KIRREL3: variants seen among roughly 807,000 people sequenced by gnomAD.
The protein encoded by KIRREL3 is kirre like nephrin family adhesion molecule 3.
KIRREL3 carries 36 observed loss-of-function variants against 89.7 expected under a neutral mutation model. The observed-to-expected ratio is 0.40, with a 90% CI of 0.31 to 0.53. The LOEUF (loss-of-function observed/expected upper bound fraction) is 0.53, where lower values mean the gene tolerates loss of function less well. Ranked by LOEUF, KIRREL3 falls within the 20% of genes least tolerant of loss-of-function variation. The probability of loss-of-function intolerance (pLI) is 0.49; values close to 1 mark genes in which losing one functional copy is unlikely to be tolerated. For missense variants in KIRREL3, 864 were observed against 1,056.6 expected (o/e 0.82, Z 2.53); for synonymous variants, 445 against 441.4 (o/e 1.01, Z -0.10).
rs1243091854 is a variant in KIRREL3 at position 126,742,719 on chromosome 11, G to C, written c.56-179807C>G. 6.6e-6 allele frequency among the ~76,000 whole-genome samples: 1 copy of C among 152,196 alleles called. No individual in the cohort carries two copies. Among genetic ancestry groups the C allele is most frequent in the East Asian group, 1.9e-4 (1 of 5,198 alleles). ...ATATCACCTAGCAGCTAAGAAATCA[G>C]CAGACAGTGGACTTTAGAACCAGGC... On this transcript the variant is annotated intron_variant, in intron 1 of 16. Transcript: ENST00000525144. The surrounding 1 kb of genome is among the most constrained non-coding windows in gnomAD (Gnocchi z 5.3).
chr11:126,448,410 G>T (rs1050593406), intron 8 of KIRREL3, among the ~76,000 whole-genome samples: 1 of 152,134 alleles, frequency 6.6e-6, no homozygotes, highest in Non-Finnish European at 1.5e-5. Context: ...TTCTCATTTG[G>T]CCACCTACTG....
chr11:126,972,902 A>G (rs1949466904), intron 1 of KIRREL3, among the ~76,000 whole-genome samples: 1 of 152,166 alleles, frequency 6.6e-6, no homozygotes, highest in South Asian at 2.1e-4. Context: ...GCACATAAAA[A>G]GGGACAGAAA....
At chr11:126,861,956 A>C (rs9888281) in intron 1 of KIRREL3, among the ~76,000 whole-genome samples, 38,153 of 152,156 alleles carry the variant, frequency 0.25, 4,852 homozygotes, top group Admixed American at 0.31. Flanking sequence ...AGACCAGTTG[A>C]GTGCACATGA....
chr11:126,811,019 G>A lies in KIRREL3; in HGVS notation c.55+189436C>T, dbSNP rs1951368005. Among the ~76,000 whole-genome samples the A allele has an allele frequency of 2.0e-5, 3 of 152,168 alleles. No individual in the cohort carries two copies. The highest frequency in any genetic ancestry group is 1.3e-4 in the Admixed American group (2 of 15,274). The stretch of plus-strand genomic sequence containing the variant: ...GCAGCCGGTCTGACAAACCCCATCT[G>A]CTTCGTTCTCTTGGCCACCCAAGCT... On this transcript the variant is annotated intron_variant, in intron 1 of 16. Coordinates refer to ENST00000525144, the MANE Select transcript of KIRREL3 (RefSeq NM_032531.4). This position sits in a 1 kb window ranked among gnomAD's most constrained non-coding sequence, Gnocchi z 4.3.
rs11410774 is a variant in KIRREL3, at chr11:126,721,529, C to CAA, written c.56-158619_56-158618dup. ...GGGCAACAAGAGTAAAACTCCGTCTCAAAAAAAAAAAAAAAAATAGAATCA... is the reference window on the plus strand; with the variant it reads ...GGGCAACAAGAGTAAAACTCCGTCTCAAAAAAAAAAAAAAAAAAATAGAATCA... On this transcript the variant is annotated intron_variant, in intron 1 of 16. Transcript: ENST00000525144. 5.6e-3 allele frequency among the ~76,000 whole-genome samples: 766 copies of CAA among 135,736 alleles called. 7 individuals are homozygous for CAA. Among genetic ancestry groups the CAA allele is most frequent in the South Asian group, 0.024 (94 of 3,976 alleles). 89.0% of individuals were successfully genotyped at this position (135,736 alleles called of 152,430 possible).
Position 126,807,056 on chromosome 11 carries a change from C to T in KIRREL3, c.55+193399G>A, listed in dbSNP as rs2134411072. Among the ~76,000 whole-genome samples the T allele has an allele frequency of 6.6e-6, 1 of 152,250 alleles. No homozygotes were observed. Among genetic ancestry groups the T allele is most frequent in the East Asian group, 1.9e-4 (1 of 5,178 alleles). On this transcript the variant is annotated intron_variant, in intron 1 of 16. Transcript: ENST00000525144. This position sits in a 1 kb window ranked among gnomAD's most constrained non-coding sequence, Gnocchi z 4.3. ...CATAGAATTCCATGGCACATATGTG[C>T]CACATGACCACGCTGTACTCTTCAA... is the stretch of plus-strand genomic sequence containing the variant.
At chr11:126,567,937 G>T (rs1940637742) in intron 1 of KIRREL3, among the ~76,000 whole-genome samples, 1 of 152,100 alleles carries the variant, frequency 6.6e-6, no homozygotes, top group African/African-American at 2.4e-5. Context: ...CTGGATGGCT[G>T]CTTGTAGAAG....
chr11:126,434,064 C>A (rs536299963), intron 13 of KIRREL3, among the ~76,000 whole-genome samples: 1 of 152,236 alleles, frequency 6.6e-6, no homozygotes, highest in Admixed American at 6.5e-5. Flanking sequence ...GCGAGTGCCC[C>A]GGGGTGCCAT....
intron 1 of KIRREL3, among the ~76,000 whole-genome samples, chr11:126,692,462 T>C (rs1946913322): frequency 6.9e-6 from 1 of 145,614 alleles, no homozygotes; most frequent in South Asian, 2.1e-4. Flanking sequence ...GGAGGATCAC[T>C]TGAACCCATG....
At position 126,791,159 on chromosome 11, in the gene KIRREL3, G is replaced by A. The variant is rs572722517; in HGVS notation, c.55+209296C>T. Among the ~76,000 whole-genome samples the A allele has an allele frequency of 2.0e-5, 3 of 152,256 alleles. No homozygotes were observed. The highest frequency in any genetic ancestry group is 6.5e-5 in the Admixed American group (1 of 15,288). On this transcript the variant is annotated intron_variant, in intron 1 of 16. Transcript: ENST00000525144. The surrounding 1 kb of genome is among the most constrained non-coding windows in gnomAD (Gnocchi z 4.8). ...AAAGATCAGAAATTGCCTCCTGAGC[G>A]CTGCCTGGCTGCTTCAGAAGAAAAG...
At chr11:126,662,702 A>G (rs561588773) in intron 1 of KIRREL3, among the ~76,000 whole-genome samples, 1 of 152,294 alleles carries the variant, frequency 6.6e-6, no homozygotes, top group South Asian at 2.1e-4. Context: ...TTTGGAGGCG[A>G]TTAGGTTTCA....
At chr11:126,775,675 C>T (rs1422625549) in intron 1 of KIRREL3, among the ~76,000 whole-genome samples, 3 of 152,206 alleles carry the variant, frequency 2.0e-5, no homozygotes, top group Non-Finnish European at 2.9e-5. Flanking sequence ...AAAAGAATGC[C>T]TTTGATGTAC....
At chr11:126,784,854 A>G (rs1950437410) in intron 1 of KIRREL3, among the ~76,000 whole-genome samples, 1 of 152,236 alleles carries the variant, frequency 6.6e-6, no homozygotes, top group Non-Finnish European at 1.5e-5. Flanking sequence ...AAATAAAAGC[A>G]TAGTCAATTA....
At chr11:126,988,223 T>C (rs1391126986) in intron 1 of KIRREL3, among the ~76,000 whole-genome samples, 1 of 152,222 alleles carries the variant, frequency 6.6e-6, no homozygotes, top group African/African-American at 2.4e-5. Context: ...ATGAATTCTT[T>C]TAAAGAAATC....
At chr11:126,925,389 C>T (rs1467634432) in intron 1 of KIRREL3, among the ~76,000 whole-genome samples, 3 of 152,156 alleles carry the variant, frequency 2.0e-5, no homozygotes, top group Non-Finnish European at 4.4e-5. Flanking sequence ...AGGGATGGGA[C>T]AGTGATCAGG....
chr11:126,708,167 C>T lies in KIRREL3; in HGVS notation c.56-145255G>A, dbSNP rs959548137. 6.6e-6 allele frequency among the ~76,000 whole-genome samples: 1 copy of T among 152,178 alleles called. No homozygotes were observed. The highest frequency in any genetic ancestry group is 6.5e-5 in the Admixed American group (1 of 15,278). ...CGTGTGAAAGGACTCCCTGGTCAGG[C>T]GGTATTCATGCCGCCTGGAAACTCA... On this transcript the variant is annotated intron_variant, in intron 1 of 16. Coordinates refer to ENST00000525144, the MANE Select transcript of KIRREL3 (RefSeq NM_032531.4). This position sits in a 1 kb window ranked among gnomAD's most constrained non-coding sequence, Gnocchi z 5.7.
In KIRREL3 at chr11:126,570,749, G is replaced by T. The variant is rs1164360389; in HGVS notation, c.56-7837C>A. Among the ~76,000 whole-genome samples the T allele has an allele frequency of 6.6e-6, 1 of 152,212 alleles. No individual in the cohort carries two copies. ...CAGCAACTCCTCACCACCAGCTGTG[G>T]GGTCTAGAATTATCTGTGCTGCTAT... is the stretch of plus-strand genomic sequence containing the variant. On this transcript the variant is annotated intron_variant, in intron 1 of 16. Transcript: ENST00000525144. This position sits in a 1 kb window ranked among gnomAD's most constrained non-coding sequence, Gnocchi z 6.1.
chr11:126,720,839 A>C (rs539301665), intron 1 of KIRREL3, among the ~76,000 whole-genome samples: 1 of 152,308 alleles, frequency 6.6e-6, no homozygotes, highest in South Asian at 2.1e-4. Context: ...AGGTGGGAGA[A>C]GATAGCGAGG....
chr11:126,930,990 C>T (rs1354853385), intron 1 of KIRREL3, among the ~76,000 whole-genome samples: 2 of 152,168 alleles, frequency 1.3e-5, no homozygotes, highest in African/African-American at 4.8e-5. Context: ...CATTCGGTTC[C>T]CTCTGCCAGA....
Sources: allele counts gnomAD v4.1 joint callset (sites outside exome capture counted in the v4.1 genomes callset), GRCh38; gene constraint gnomAD v4.1.1; non-coding constraint Gnocchi (gnomAD v3.1); transcripts MANE v1.5; gene names NCBI Gene and HGNC (gene_info 2026-07-23, HGNC 2026-07-21).